Variants in HCN1 observed in about 807,000 individuals in gnomAD.
The protein encoded by HCN1 is potassium/sodium hyperpolarization-activated cyclic nucleotide-gated channel 1.
In HCN1, 13 loss-of-function variants were observed where a neutral mutation model predicts 78.9. The observed-to-expected ratio is 0.16, with a 90% CI of 0.11 to 0.26. The LOEUF is 0.26. Ranked by LOEUF, HCN1 falls within the 10% of genes least tolerant of loss-of-function variation. HCN1 has a pLI of 1.00. For synonymous variants in HCN1, 552 were observed against 455.5 expected (o/e 1.21, Z -2.70); for missense variants, 810 against 1,154.3 (o/e 0.70, Z 4.32).
chr5:45,319,006 GTGT>G (rs2111932375), intron 5 of HCN1, among the ~76,000 whole-genome samples: 2 of 152,056 alleles, frequency 1.3e-5, no homozygotes, highest in South Asian at 4.1e-4. Context: ...TGATTGCTAA[GTGT>G]TGTAAGTGGG....
At chr5:45,492,412 T>TATAG in intron 2 of HCN1, among the ~76,000 whole-genome samples, 1 of 145,426 alleles carries the variant, frequency 6.9e-6, no homozygotes, top group East Asian at 2.0e-4. Context: ...TATATATATA[T>TATAG]ATATATATAT....
In HCN1 at chr5:45,280,855, A is replaced by G. The variant is rs1056642781; in HGVS notation, c.1619-13602T>C. On this transcript the variant is annotated intron_variant, in intron 6 of 7. Transcript: ENST00000303230. The stretch of plus-strand genomic sequence containing the variant: ...AAAGCAAATGCTAATCACTTTGTTC[A>G]TGAGAGATAGCTATTTAAACACATT... Among the ~76,000 whole-genome samples the G allele has an allele frequency of 2.0e-5, 3 of 152,194 alleles. No individual in the cohort carries two copies. The East Asian group carries it at 5.8e-4, about 29-fold the overall frequency.
At chr5:45,373,962 A>G (rs1169801541) in intron 4 of HCN1, among the ~76,000 whole-genome samples, 1 of 125,250 alleles carries the variant, frequency 8.0e-6, no homozygotes, top group South Asian at 2.3e-4. Context: ...CATATATAAT[A>G]TATTACATAC....
intron 2 of HCN1, among the ~76,000 whole-genome samples, chr5:45,494,024 A>C (rs1013372730): frequency 2.0e-5 from 3 of 152,052 alleles, no homozygotes; most frequent in African/African-American, 7.2e-5. Flanking sequence ...GCTTGGTTCC[A>C]AGTCTTTGCT....
chr5:45,658,798 G>T (rs1473808020), intron 1 of HCN1, among the ~76,000 whole-genome samples: 1 of 151,944 alleles, frequency 6.6e-6, no homozygotes, highest in African/African-American at 2.4e-5. Context: ...GGCTGAGAGG[G>T]TCCTACGCCC....
At chr5:45,581,647 G>T (rs1323067590) in intron 2 of HCN1, among the ~76,000 whole-genome samples, 1 of 152,122 alleles carries the variant, frequency 6.6e-6, no homozygotes, top group Non-Finnish European at 1.5e-5. Context: ...GGTTTTTATG[G>T]TATTAGGTCT....
chr5:45,624,099 G>A (rs1029569308), intron 2 of HCN1, among the ~76,000 whole-genome samples: 2 of 152,138 alleles, frequency 1.3e-5, no homozygotes, highest in African/African-American at 4.8e-5. Flanking sequence ...AGGTCATAGA[G>A]GTAGCCAAGT....
chr5:45,666,354 A>T (rs1746048328), intron 1 of HCN1, among the ~76,000 whole-genome samples: 1 of 152,098 alleles, frequency 6.6e-6, no homozygotes, highest in African/African-American at 2.4e-5. Flanking sequence ...TTCATACTTC[A>T]CATAAGATTA....
chr5:45,321,307 A>T (rs968445949), intron 5 of HCN1, among the ~76,000 whole-genome samples: 41 of 151,936 alleles, frequency 2.7e-4, no homozygotes, highest in African/African-American at 8.9e-4. Flanking sequence ...TTCCTGGGGG[A>T]AAAACAACGT....
At chr5:45,578,480 T>G (rs778915545) in intron 2 of HCN1, among the ~76,000 whole-genome samples, 1 of 152,014 alleles carries the variant, frequency 6.6e-6, no homozygotes, top group African/African-American at 2.4e-5. Context: ...CAAAACTATA[T>G]GCCAGTGTTT....
intron 2 of HCN1, among the ~76,000 whole-genome samples, chr5:45,512,648 AG>A (rs1156958449): frequency 1.3e-5 from 2 of 152,082 alleles, no homozygotes; most frequent in East Asian, 1.9e-4. Flanking sequence ...ATTACTCTAG[AG>A]GACAATGCCC....
chr5:45,594,441 G>C (rs1350803195), intron 2 of HCN1, among the ~76,000 whole-genome samples: 1 of 152,072 alleles, frequency 6.6e-6, no homozygotes. Context: ...AGCAGTCCTT[G>C]CTCAAAATGT....
intron 5 of HCN1, among the ~76,000 whole-genome samples, chr5:45,349,024 T>A (rs1746821486): frequency 6.6e-6 from 1 of 152,202 alleles, no homozygotes; most frequent in Non-Finnish European, 1.5e-5. Context: ...CAAGCGGACC[T>A]AATAGACATC....
In HCN1 at chr5:45,548,115, T is replaced by C. The variant is rs779348785; in HGVS notation, c.850-86108A>G. Among the ~76,000 whole-genome samples, 3 of 151,948 alleles carry C rather than the reference T, an allele frequency of 2.0e-5. No individual in the cohort carries two copies. In the East Asian group the frequency reaches 5.8e-4, roughly 29 times the overall value. On this transcript the variant is annotated intron_variant, in intron 2 of 7. Coordinates refer to ENST00000303230, the MANE Select transcript of HCN1 (RefSeq NM_021072.4). ...TCTACTAATTTCCTTTATTCAGATATTTAATAATTGTGTTTTAATAATTAA... is the reference window on the plus strand; with the variant it reads ...TCTACTAATTTCCTTTATTCAGATACTTAATAATTGTGTTTTAATAATTAA...
intron 1 of HCN1, among the ~76,000 whole-genome samples, chr5:45,682,167 C>T (rs919220229): frequency 6.6e-6 from 1 of 151,554 alleles, no homozygotes; most frequent in East Asian, 1.9e-4. Flanking sequence ...GCCTACAGAA[C>T]CATCAGAAAT....
intron 3 of HCN1, among the ~76,000 whole-genome samples, chr5:45,417,827 C>G (rs1332183545): frequency 6.7e-6 from 1 of 149,682 alleles, no homozygotes; most frequent in Non-Finnish European, 1.5e-5. Flanking sequence ...TTTCAATCCT[C>G]CAAATACCTC....
chr5:45,341,252 A>T (rs1000475045), intron 5 of HCN1, among the ~76,000 whole-genome samples: 5 of 152,188 alleles, frequency 3.3e-5, no homozygotes, highest in Non-Finnish European at 5.9e-5. Context: ...GCAAGGAAAA[A>T]ATTCAACCTG....
chr5:45,360,212 T>C (rs1579839404), intron 4 of HCN1, among the ~76,000 whole-genome samples: 1 of 151,696 alleles, frequency 6.6e-6, no homozygotes, highest in Non-Finnish European at 1.5e-5. Context: ...GGTATTTTTC[T>C]TATAGAATAA....
chr5:45,377,758 C>T (rs577835967), intron 4 of HCN1, among the ~76,000 whole-genome samples: 7 of 152,022 alleles, frequency 4.6e-5, no homozygotes, highest in African/African-American at 1.7e-4. Context: ...CTGGGTGTTA[C>T]TATAAATACA....
Sources: allele counts gnomAD v4.1 joint callset (sites outside exome capture counted in the v4.1 genomes callset), GRCh38; gene constraint gnomAD v4.1.1; transcripts MANE v1.5; gene names NCBI Gene and HGNC (gene_info 2026-07-23, HGNC 2026-07-21).